Variants in UGT2B15 observed in about 807,000 individuals in gnomAD.
UGT2B15 encodes the protein UDP-glucuronosyltransferase 2B15.
In UGT2B15, 36 loss-of-function variants were observed where a neutral mutation model predicts 45.9. That is an observed-to-expected ratio of 0.78 (90% CI 0.60 to 1.04). UGT2B15 has a LOEUF of 1.04. Ranked by LOEUF, UGT2B15 falls within the 50% of genes least tolerant of loss-of-function variation. UGT2B15 has a pLI of 0.00. For synonymous variants in UGT2B15, 219 were observed against 216.4 expected (o/e 1.01, Z -0.11); for missense variants, 617 against 622.4 (o/e 0.99, Z 0.09).
intron 2 of UGT2B15, among the ~76,000 whole-genome samples, chr4:68,666,757 T>A (rs1249429232): frequency 6.1e-5 from 9 of 146,506 alleles, no homozygotes; most frequent in Non-Finnish European, 1.4e-4. Context: ...TATATATTTT[T>A]TTTTTTTGAG....
At chr4:68,665,106 TAGA>T (rs1299099890) in intron 2 of UGT2B15, among the ~76,000 whole-genome samples, 2 of 152,160 alleles carry the variant, frequency 1.3e-5, no homozygotes, top group Non-Finnish European at 2.9e-5. Context: ...GTAATGGTAA[TAGA>T]AGATCAATGT....
At chr4:68,659,627 T>G (rs550009496) in intron 3 of UGT2B15, among the ~76,000 whole-genome samples, 1 of 151,996 alleles carries the variant, frequency 6.6e-6, no homozygotes, top group Admixed American at 6.6e-5. Flanking sequence ...GTCCATTGTG[T>G]CTTTGACTGA....
chr4:68,670,604 C>A lies in UGT2B15; in HGVS notation c.15G>T (p.Trp5Cys). 6 of 1,578,962 alleles carry A rather than the reference C, an allele frequency of 3.8e-6. No individual in the cohort carries two copies. Among genetic ancestry groups the A allele is most frequent in the Non-Finnish European group, 5.1e-6 (6 of 1,170,030 alleles). The change falls in exon 1 of 6, where the codon TGG becomes TGT. Residue 5 changes from tryptophan to cysteine, a missense_variant. Trp to Cys is a radical substitution (Grantham distance 215). Around this residue, in one of 3 missense-constraint regions of UGT2B15, gnomAD observed 351 missense variants for 342.1 expected, o/e 1.03. Coordinates refer to ENST00000338206, the MANE Select transcript of UGT2B15 (RefSeq NM_001076.4). ...GCTGTATCAGCAGAAAGACTGACGT[C>A]CATTTCAGAGACATCCTGGTCTTAT... is the stretch of plus-strand genomic sequence containing the variant. MSLK[W>C]TSVFLLIQLS...
intron 5 of UGT2B15, among the ~76,000 whole-genome samples, chr4:68,653,435 A>C (rs899235660): frequency 2.0e-5 from 3 of 152,046 alleles, no homozygotes; most frequent in Admixed American, 6.6e-5. Flanking sequence ...TGTGAAGAGA[A>C]TAATCTATTG....
intron 1 of UGT2B15, among the ~76,000 whole-genome samples, chr4:68,669,676 A>T (rs1733242466): frequency 6.6e-6 from 1 of 151,936 alleles, no homozygotes; most frequent in Non-Finnish European, 1.5e-5. Flanking sequence ...AAGGTTTATG[A>T]CTCTCTGGGT....
At chr4:68,649,205 G>T (rs62298384) in intron 5 of UGT2B15, among the ~76,000 whole-genome samples, 141,294 of 150,634 alleles carry the variant, frequency 0.94, 66,672 homozygotes, top group East Asian at 1. Flanking sequence ...ATTTGAATCT[G>T]ATACAATTTA....
chr4:68,647,149 A>G lies in UGT2B15; in HGVS notation c.1548T>C (p.Cys516=), dbSNP rs1456514949. Residue 516 remains cysteine (C), a synonymous_variant, in exon 6 of 6, where the codon TGT becomes TGC. Transcript: ENST00000338206. The part of the protein sequence containing the change: ...IFIITKFCLF[C]FRKLAKKGKK... ...TTCCTTTTTTGGCAAGCTTTCGGAA[A>G]CAAAACAGGCAAAATTTTGTGATGA... The G allele has an allele frequency of 6.2e-7, 1 of 1,613,886 alleles. No individual in the cohort carries two copies. The highest frequency in any genetic ancestry group is 8.5e-7 in the Non-Finnish European group (1 of 1,179,836).
At chr4:68,666,517 A>C (rs1038960240) in intron 2 of UGT2B15, among the ~76,000 whole-genome samples, 4 of 151,952 alleles carry the variant, frequency 2.6e-5, no homozygotes, top group African/African-American at 9.7e-5. Context: ...GCACAATATG[A>C]AGTTGTGATT....
intron 3 of UGT2B15, among the ~76,000 whole-genome samples, chr4:68,656,307 C>T (rs559807181): frequency 2.0e-5 from 3 of 151,970 alleles, no homozygotes; most frequent in Middle Eastern, 3.4e-3. Flanking sequence ...AGCTGAATTG[C>T]GGTTTTGTCT....
intron 2 of UGT2B15, 82 bp from the exon 3 acceptor site, chr4:68,663,221 A>G: frequency 7.1e-7 from 1 of 1,405,786 alleles, no homozygotes; most frequent in South Asian, 1.3e-5. Flanking sequence ...AACATCTAAG[A>G]TGAGAAAGTC....
chr4:68,670,463 C>A lies in UGT2B15; in HGVS notation c.156G>T (p.Glu52Asp), dbSNP rs1733278357. Residue 52 changes from glutamate to aspartate, a missense_variant, in exon 1 of 6, where the codon GAG becomes GAT. Physicochemically the swap from Glu to Asp is conservative, Grantham distance 45. This residue lies in a region of UGT2B15 where 351 missense variants were observed against 342.1 expected (regional missense o/e 1.03). Transcript: ENST00000338206. ...AAGCCGAAGATGTCAACACAGTCAC[C>A]TCATGACCCCTCTGAACAAGCTCTT... ...ILEELVQRGH[E>D]VTVLTSSAST... 6.2e-7 allele frequency: 1 copy of A among 1,614,028 alleles called. No individual in the cohort carries two copies. The highest frequency in any genetic ancestry group is 8.5e-7 in the Non-Finnish European group (1 of 1,180,004).
At chr4:68,656,170 C>T (rs1194646866) in intron 3 of UGT2B15, among the ~76,000 whole-genome samples, 3 of 151,998 alleles carry the variant, frequency 2.0e-5, no homozygotes, top group South Asian at 2.1e-4. Context: ...GTTTCCATGA[C>T]AATGGAAGGC....
intron 3 of UGT2B15, among the ~76,000 whole-genome samples, chr4:68,657,386 A>G (rs972728790): frequency 3.9e-5 from 6 of 152,134 alleles, no homozygotes; most frequent in Non-Finnish European, 7.4e-5. Context: ...ACCTCTGGAG[A>G]GAGAAACTGA....
rs1249251657 is a variant in UGT2B15 at position 68,657,901 on chromosome 4, G to C, written c.1006-2719C>G. On this transcript the variant is annotated intron_variant, in intron 3 of 5. Coordinates refer to ENST00000338206, the MANE Select transcript of UGT2B15 (RefSeq NM_001076.4). ...TACATGTGTTTGCATATATTTAAAA[G>C]GCCATTATAATTTCTATAATTTTAT... Among the ~76,000 whole-genome samples the C allele has an allele frequency of 2.0e-5, 3 of 151,844 alleles. 1 individual carries two copies. The highest frequency in any genetic ancestry group is 2.9e-5 in the Non-Finnish European group (2 of 67,952).
intron 3 of UGT2B15, among the ~76,000 whole-genome samples, chr4:68,657,434 A>G (rs1732840076): frequency 1.3e-5 from 2 of 152,144 alleles, no homozygotes; most frequent in African/African-American, 2.4e-5. Flanking sequence ...GTGGTGACAC[A>G]CTGTGGAGTA....
chr4:68,657,401 T>G (rs538251962), intron 3 of UGT2B15, among the ~76,000 whole-genome samples: 2 of 152,048 alleles, frequency 1.3e-5, no homozygotes. Context: ...AACTGAGACA[T>G]GTAAGAGGGT....
chr4:68,662,080 C>G (rs1381558556), intron 3 of UGT2B15, among the ~76,000 whole-genome samples: 2 of 152,058 alleles, frequency 1.3e-5, no homozygotes, highest in African/African-American at 4.8e-5. Flanking sequence ...TAAAGTAACT[C>G]TGTGTTTTCA....
At chr4:68,662,012 T>C in intron 3 of UGT2B15, among the ~76,000 whole-genome samples, 1 of 151,998 alleles carries the variant, frequency 6.6e-6, no homozygotes, top group Non-Finnish European at 1.5e-5. Flanking sequence ...TCCCAAGCAA[T>C]CTTTATAAAC....
At chr4:68,652,470 T>C (rs1732685336) in intron 5 of UGT2B15, among the ~76,000 whole-genome samples, 1 of 151,628 alleles carries the variant, frequency 6.6e-6, no homozygotes, top group Non-Finnish European at 1.5e-5. Flanking sequence ...CTTACTTTTT[T>C]TGAAGTATCT....
Sources: allele counts gnomAD v4.1 joint callset (sites outside exome capture counted in the v4.1 genomes callset), GRCh38; gene constraint gnomAD v4.1.1; regional missense constraint gnomAD v4.1.1; transcripts MANE v1.5; gene names NCBI Gene and HGNC (gene_info 2026-07-23, HGNC 2026-07-21).